Variants in BNC2 observed in about 807,000 individuals in gnomAD.
BNC2 encodes zinc finger protein basonuclin-2.
In BNC2, 20 loss-of-function variants were observed where a neutral mutation model predicts 76.3. The observed-to-expected ratio is 0.26, with a 90% CI of 0.18 to 0.38. BNC2 has a LOEUF of 0.38. BNC2 is among the 10% of genes least tolerant of loss of function. The probability of loss-of-function intolerance (pLI) is 1.00; values close to 1 mark genes in which losing one functional copy is unlikely to be tolerated. For synonymous variants in BNC2, 582 were observed against 514.8 expected, an observed-to-expected ratio of 1.13 and a Z score of -1.77; for missense variants, 1,382 against 1,399.8, an observed-to-expected ratio of 0.99 and a Z score of 0.20.
At chr9:16,589,312 A>AGG (rs1470267875) in intron 3 of BNC2, among the ~76,000 whole-genome samples, 4 of 151,864 alleles carry the variant, frequency 2.6e-5, no homozygotes, top group African/African-American at 9.7e-5. Flanking sequence ...CAGCCTCCCA[A>AGG]GTAGCTGGGA....
At chr9:16,684,084 G>GTT (rs756870659) in intron 3 of BNC2, among the ~76,000 whole-genome samples, 1 of 151,308 alleles carries the variant, frequency 6.6e-6, no homozygotes, top group Non-Finnish European at 1.5e-5. Context: ...TACTCAATAG[G>GTT]TTTTTTTTTC....
At chr9:16,617,344 A>G (rs1215012059) in intron 3 of BNC2, among the ~76,000 whole-genome samples, 1 of 152,174 alleles carries the variant, frequency 6.6e-6, no homozygotes, top group Admixed American at 6.5e-5. Context: ...ACATCATTCT[A>G]TGACAAATTA....
intron 5 of BNC2, among the ~76,000 whole-genome samples, chr9:16,520,431 G>A (rs1460009494): frequency 6.6e-6 from 1 of 152,142 alleles, no homozygotes; most frequent in Non-Finnish European, 1.5e-5. Flanking sequence ...AAAGGAACTG[G>A]TGTAAGAACA....
chr9:16,765,362 G>A (rs928536128), intron 1 of BNC2, among the ~76,000 whole-genome samples: 2 of 151,988 alleles, frequency 1.3e-5, no homozygotes, highest in Non-Finnish European at 2.9e-5. Context: ...GATCTATTTT[G>A]GAGAAGCAAA....
Position 16,435,860 on chromosome 9 carries a change from A to G in BNC2, c.2334T>C (p.Phe778=), listed in dbSNP as rs762989200. ...HQDVIKVKEE[F]TDPTYDMFYM... ...AAAACATGTCGTAAGTGGGGTCTGT[A>G]AATTCTTCCTTCACCTTGATGACGT... The change falls in exon 6 of 7, where the codon TTT becomes TTC. Residue 778 remains phenylalanine, a synonymous_variant. Transcript: ENST00000380672. The G allele has an allele frequency of 4.3e-6, 7 of 1,613,810 alleles. No homozygotes were observed. The highest frequency in any genetic ancestry group is 5.1e-6 in the Non-Finnish European group (6 of 1,179,706).
intron 3 of BNC2, among the ~76,000 whole-genome samples, chr9:16,606,977 T>A (rs1212910329): frequency 1.3e-5 from 2 of 152,202 alleles, no homozygotes; most frequent in Admixed American, 1.3e-4. Flanking sequence ...AGGCAGGGTC[T>A]CACTCTGTCA....
chr9:16,841,688 GAAA>G (rs1027747629), intron 1 of BNC2, among the ~76,000 whole-genome samples: 1 of 151,180 alleles, frequency 6.6e-6, no homozygotes, highest in Non-Finnish European at 1.5e-5. Flanking sequence ...CTTAAAACGT[GAAA>G]AAAAAGATAA....
At chr9:16,460,353 T>C (rs1290269951) in intron 5 of BNC2, among the ~76,000 whole-genome samples, 2 of 150,362 alleles carry the variant, frequency 1.3e-5, no homozygotes, top group Admixed American at 1.3e-4. Flanking sequence ...CCGGGCACAG[T>C]GGCTCATGCC....
intron 1 of BNC2, among the ~76,000 whole-genome samples, chr9:16,739,581 G>A (rs1824782188): frequency 6.6e-6 from 1 of 152,148 alleles, no homozygotes; most frequent in Non-Finnish European, 1.5e-5. Flanking sequence ...CTGAGGCAGA[G>A]GAATCACTTG....
rs540357898 is a variant in BNC2, at chr9:16,462,627, C to G, written c.670-25103G>C. Among the ~76,000 whole-genome samples the G allele has an allele frequency of 3.9e-5, 6 of 152,316 alleles. No homozygotes were observed. The South Asian group carries it at 1.2e-3, about 32-fold the overall frequency. ...CACGAAGGGCTTTACTTGTAGGATA[C>G]TTTATCAAGTTTCTTCCAGCTACAT... is the stretch of plus-strand genomic sequence containing the variant. On this transcript the variant is annotated intron_variant, in intron 5 of 6. Coordinates refer to ENST00000380672, the MANE Select transcript of BNC2 (RefSeq NM_017637.6).
intron 4 of BNC2, among the ~76,000 whole-genome samples, chr9:16,560,231 T>A (rs1818967422): frequency 2.0e-5 from 3 of 152,330 alleles, no homozygotes; most frequent in African/African-American, 4.8e-5. Flanking sequence ...AATCACTGAA[T>A]TAATGGGTAT....
At chr9:16,451,919 A>C (rs1821348410) in intron 5 of BNC2, among the ~76,000 whole-genome samples, 1 of 152,186 alleles carries the variant, frequency 6.6e-6, no homozygotes, top group Admixed American at 6.5e-5. Flanking sequence ...CTTAGAAATC[A>C]TCTAGTGCCA....
At chr9:16,537,307 T>C (rs564253424) in intron 5 of BNC2, among the ~76,000 whole-genome samples, 1 of 152,160 alleles carries the variant, frequency 6.6e-6, no homozygotes, top group African/African-American at 2.4e-5. Flanking sequence ...TACGGTTTCC[T>C]TGAATCGCAC....
intron 3 of BNC2, among the ~76,000 whole-genome samples, chr9:16,601,902 T>C (rs1386265756): frequency 6.6e-6 from 1 of 152,146 alleles, no homozygotes; most frequent in African/African-American, 2.4e-5. Context: ...AAGATAATGT[T>C]CTGGAAAGTA....
chr9:16,765,103 C>T (rs1248134555), intron 1 of BNC2, among the ~76,000 whole-genome samples: 6 of 152,060 alleles, frequency 3.9e-5, no homozygotes, highest in African/African-American at 9.7e-5. Flanking sequence ...TAAGGACGGA[C>T]GTTTGTACTA....
intron 3 of BNC2, among the ~76,000 whole-genome samples, chr9:16,584,021 T>C (rs1053278123): frequency 1.3e-5 from 2 of 152,216 alleles, no homozygotes; most frequent in African/African-American, 2.4e-5. Flanking sequence ...GCTCCCGGAC[T>C]ACAGTTAATA....
At chr9:16,445,383 C>T (rs912872046) in intron 5 of BNC2, among the ~76,000 whole-genome samples, 5 of 152,090 alleles carry the variant, frequency 3.3e-5, no homozygotes, top group Admixed American at 1.3e-4. Flanking sequence ...TCCAGAACTT[C>T]GGGCTAATGT....
At chr9:16,523,853 G>A (rs1387032069) in intron 5 of BNC2, among the ~76,000 whole-genome samples, 1 of 152,102 alleles carries the variant, frequency 6.6e-6, no homozygotes, top group African/African-American at 2.4e-5. Flanking sequence ...TTGAACCCAG[G>A]AGGCAGAGAT....
At chr9:16,688,038 A>T (rs1013778071) in intron 3 of BNC2, among the ~76,000 whole-genome samples, 1 of 152,178 alleles carries the variant, frequency 6.6e-6, no homozygotes, top group Non-Finnish European at 1.5e-5. Flanking sequence ...GCAGAAAAAT[A>T]TATCCATAAG....
Sources: allele counts gnomAD v4.1 joint callset (sites outside exome capture counted in the v4.1 genomes callset), GRCh38; gene constraint gnomAD v4.1.1; transcripts MANE v1.5; gene names NCBI Gene and HGNC (gene_info 2026-07-23, HGNC 2026-07-21).